DSCAML1: variants seen among roughly 807,000 people sequenced by gnomAD.
DSCAML1 encodes the protein cell adhesion molecule DSCAML1.
DSCAML1 carries 38 observed loss-of-function variants against 200.5 expected under a neutral mutation model. That is an observed-to-expected ratio of 0.19 (90% CI 0.15 to 0.25). The LOEUF (loss-of-function observed/expected upper bound fraction) is 0.25. DSCAML1 is among the 10% of genes least tolerant of loss of function. The pLI is 1.00. For missense variants in DSCAML1, 2,223 were observed against 2,858.8 expected (o/e 0.78, Z 5.07); for synonymous variants, 1,215 against 1,165.0 (o/e 1.04, Z -0.87).
At chr11:117,590,012 C>G (rs2051226476) in intron 3 of DSCAML1, among the ~76,000 whole-genome samples, 1 of 152,142 alleles carries the variant, frequency 6.6e-6, no homozygotes, top group Non-Finnish European at 1.5e-5. Flanking sequence ...TGGGGTCTCA[C>G]TAGGTATTTT....
intron 3 of DSCAML1, among the ~76,000 whole-genome samples, chr11:117,674,381 G>A (rs752315345): frequency 3.9e-5 from 6 of 152,112 alleles, no homozygotes; most frequent in Non-Finnish European, 7.4e-5. Context: ...GGAAGCTGAA[G>A]CAGTACCCAC....
chr11:117,782,438 C>T (rs1158754162), intron 1 of DSCAML1, among the ~76,000 whole-genome samples: 2 of 152,216 alleles, frequency 1.3e-5, no homozygotes, highest in African/African-American at 2.4e-5. Context: ...GCTAAAGGCA[C>T]TTTCTTGGAG....
chr11:117,639,001 T>C (rs762743943), intron 3 of DSCAML1, among the ~76,000 whole-genome samples: 30 of 152,210 alleles, frequency 2.0e-4, no homozygotes, highest in Non-Finnish European at 4.3e-4. Context: ...CAGCAATGAA[T>C]GAGAGTCGAT....
Position 117,503,417 on chromosome 11 carries a change from A to T in DSCAML1, c.2359+428T>A, listed in dbSNP as rs994924405. ...CTGGAATTGGAACCCAGGTTTTCTGACCTATAGCCCCTTCTTCTACATTGT... is the reference window on the plus strand; with the variant it reads ...CTGGAATTGGAACCCAGGTTTTCTGTCCTATAGCCCCTTCTTCTACATTGT... On this transcript the variant is annotated intron_variant, in intron 11 of 32. Coordinates refer to ENST00000651296, the MANE Select transcript of DSCAML1 (RefSeq NM_020693.4). This position sits in a 1 kb window ranked among gnomAD's most constrained non-coding sequence, Gnocchi z 5.2. 3.9e-5 allele frequency among the ~76,000 whole-genome samples: 6 copies of T among 152,182 alleles called. No individual in the cohort carries two copies. The highest frequency in any genetic ancestry group is 8.8e-5 in the Non-Finnish European group (6 of 68,028).
In DSCAML1 at chr11:117,553,457, T is replaced by A. The variant is rs2050503540; in HGVS notation, c.512-20935A>T. 2.6e-5 allele frequency among the ~76,000 whole-genome samples: 4 copies of A among 152,072 alleles called. No homozygotes were observed. The South Asian group carries it at 8.3e-4, about 32-fold the overall frequency. ...TCAACAACAAAACCAAACAACCCAG[T>A]TTAAACATGGTCAAACGACTTGAAT... is the stretch of plus-strand genomic sequence containing the variant. On this transcript the variant is annotated intron_variant, in intron 3 of 32. Coordinates refer to ENST00000651296, the MANE Select transcript of DSCAML1 (RefSeq NM_020693.4).
chr11:117,463,485 G>T lies in DSCAML1; in HGVS notation c.3265+1457C>A, dbSNP rs2048522542. On this transcript the variant is annotated intron_variant, in intron 17 of 32. Transcript: ENST00000651296. This position sits in a 1 kb window ranked among gnomAD's most constrained non-coding sequence, Gnocchi z 4.0. Reference sequence around the variant, plus strand: ...CTTGAAGCAGAAGCTCTGGGGGTTGGAGCCCAGCAACCTACATTTCCTAGA... The same window carrying T: ...CTTGAAGCAGAAGCTCTGGGGGTTGTAGCCCAGCAACCTACATTTCCTAGA... Among the ~76,000 whole-genome samples the T allele has an allele frequency of 6.6e-6, 1 of 152,056 alleles. No homozygotes were observed. The highest frequency in any genetic ancestry group is 2.1e-4 in the South Asian group (1 of 4,812).
intron 3 of DSCAML1, among the ~76,000 whole-genome samples, chr11:117,718,667 AAC>A (rs1491264097): frequency 0.017 from 374 of 22,256 alleles, 24 homozygotes; most frequent in South Asian, 0.026. Context: ...GAATACTCAA[AAC>A]CCCCCCCCCC....
chr11:117,637,737 G>C (rs756807768), intron 3 of DSCAML1, among the ~76,000 whole-genome samples: 1 of 152,208 alleles, frequency 6.6e-6, no homozygotes, highest in Non-Finnish European at 1.5e-5. Flanking sequence ...CAAAGGAAAT[G>C]AGAAGTCCAC....
intron 3 of DSCAML1, among the ~76,000 whole-genome samples, chr11:117,669,853 G>C (rs541409143): frequency 4.6e-5 from 7 of 152,330 alleles, no homozygotes; most frequent in African/African-American, 1.7e-4. Flanking sequence ...GATCCTTGTG[G>C]CTATAGCTCA....
intron 21 of DSCAML1, among the ~76,000 whole-genome samples, chr11:117,442,461 G>A (rs1223477493): frequency 1.3e-5 from 2 of 151,528 alleles, no homozygotes; most frequent in South Asian, 2.1e-4. Flanking sequence ...GTGTGTGCGC[G>A]TGCATATGCA....
chr11:117,690,248 C>T (rs923419120), intron 3 of DSCAML1, among the ~76,000 whole-genome samples: 2 of 152,266 alleles, frequency 1.3e-5, no homozygotes, highest in African/African-American at 4.8e-5. Flanking sequence ...TGTGCTGGGG[C>T]ACTGTGATCC....
chr11:117,740,231 A>G lies in DSCAML1; in HGVS notation c.511+36560T>C, dbSNP rs569701532. Among the ~76,000 whole-genome samples the G allele has an allele frequency of 3.9e-5, 6 of 152,318 alleles. No homozygotes were observed. In the South Asian group the frequency reaches 1.2e-3, roughly 32 times the overall value. On this transcript the variant is annotated intron_variant, in intron 3 of 32. Coordinates refer to ENST00000651296, the MANE Select transcript of DSCAML1 (RefSeq NM_020693.4). ...GGTTCTGTGGGAAAAAAAGTACTCT[A>G]TTAAGCCCATTTTACTGATGAGAAA... is the stretch of plus-strand genomic sequence containing the variant.
chr11:117,670,987 CTG>C (rs1324902568), intron 3 of DSCAML1, among the ~76,000 whole-genome samples: 1 of 152,166 alleles, frequency 6.6e-6, no homozygotes, highest in East Asian at 1.9e-4. Flanking sequence ...ACGTGGATAA[CTG>C]AGAGCTGGCT....
At chr11:117,473,799 C>T (rs535004416) in intron 14 of DSCAML1, among the ~76,000 whole-genome samples, 28 of 152,278 alleles carry the variant, frequency 1.8e-4, no homozygotes, top group African/African-American at 5.5e-4. Flanking sequence ...ACCCTAACCA[C>T]GGGAGGGTCA....
intron 3 of DSCAML1, among the ~76,000 whole-genome samples, chr11:117,595,944 C>T (rs1178828344): frequency 3.9e-5 from 6 of 152,190 alleles, no homozygotes; most frequent in African/African-American, 4.8e-5. Flanking sequence ...AAGACAAAAT[C>T]GTGTGGGAGC....
chr11:117,716,886 G>A (rs1007805799), intron 3 of DSCAML1, among the ~76,000 whole-genome samples: 1 of 152,134 alleles, frequency 6.6e-6, no homozygotes, highest in African/African-American at 2.4e-5. Flanking sequence ...GGTTGCCACA[G>A]AGACCTTGTG....
At chr11:117,796,440 G>A (rs2055577413) in intron 1 of DSCAML1, among the ~76,000 whole-genome samples, 1 of 152,214 alleles carries the variant, frequency 6.6e-6, no homozygotes, top group Non-Finnish European at 1.5e-5. Flanking sequence ...TGGGTTTGGA[G>A]AACAAACTTG....
At chr11:117,571,492 C>T (rs1457744111) in intron 3 of DSCAML1, among the ~76,000 whole-genome samples, 2 of 152,166 alleles carry the variant, frequency 1.3e-5, no homozygotes, top group African/African-American at 2.4e-5. Flanking sequence ...CCTCCTGGAG[C>T]ACTAGCCTTC....
chr11:117,772,324 C>T (rs2055054267), intron 3 of DSCAML1, among the ~76,000 whole-genome samples: 1 of 152,276 alleles, frequency 6.6e-6, no homozygotes, highest in South Asian at 2.1e-4. Context: ...TTATATGACA[C>T]TAAGAGACAT....
Sources: allele counts gnomAD v4.1 joint callset (sites outside exome capture counted in the v4.1 genomes callset), GRCh38; gene constraint gnomAD v4.1.1; non-coding constraint Gnocchi (gnomAD v3.1); transcripts MANE v1.5; gene names NCBI Gene and HGNC (gene_info 2026-07-23, HGNC 2026-07-21).